SGCZ: variants seen among roughly 807,000 people sequenced by gnomAD.
The protein encoded by SGCZ is zeta-sarcoglycan.
SGCZ carries 40 observed loss-of-function variants against 41.3 expected under a neutral mutation model. The ratio of observed to expected loss-of-function variants is 0.97; its 90% CI spans 0.75 to 1.26. The LOEUF (loss-of-function observed/expected upper bound fraction) is 1.26, where lower values mean the gene tolerates loss of function less well. Ranked by LOEUF, SGCZ falls within the 50% of genes most tolerant of loss-of-function variation. The pLI, the probability that SGCZ is intolerant of heterozygous loss-of-function variation, is 0.00. For missense variants in SGCZ, 552 were observed against 369.8 expected, an observed-to-expected ratio of 1.49 and a Z score of -4.04; for synonymous variants, 206 against 137.5, an observed-to-expected ratio of 1.50 and a Z score of -3.49.
intron 1 of SGCZ, among the ~76,000 whole-genome samples, chr8:15,236,259 A>C (rs775621131): frequency 1.3e-5 from 2 of 152,110 alleles, no homozygotes; most frequent in Admixed American, 6.5e-5. Flanking sequence ...TTCCCCGTCT[A>C]TGCAATCTGG....
chr8:14,458,977 T>C lies in SGCZ; in HGVS notation c.234+95755A>G, dbSNP rs541799833. On this transcript the variant is annotated intron_variant, in intron 2 of 7. Coordinates refer to ENST00000382080, the MANE Select transcript of SGCZ (RefSeq NM_139167.4). ...GTAAGGAAATGTCAAAAGGACATAG[T>C]GGCCAACTTGACAGAGATTTCATTT... Among the ~76,000 whole-genome samples the C allele has an allele frequency of 3.3e-4, 50 of 152,312 alleles. 1 individual carries two copies. The highest frequency in any genetic ancestry group is 1.2e-3 in the African/African-American group (48 of 41,560).
intron 1 of SGCZ, among the ~76,000 whole-genome samples, chr8:14,937,199 G>C (rs1800110706): frequency 1.3e-5 from 2 of 151,694 alleles, no homozygotes; most frequent in Non-Finnish European, 2.9e-5. Flanking sequence ...TAAAATTAAA[G>C]CTAGATCAAA....
intron 1 of SGCZ, among the ~76,000 whole-genome samples, chr8:14,937,448 A>G (rs899101924): frequency 1.3e-5 from 2 of 152,032 alleles, no homozygotes; most frequent in Non-Finnish European, 2.9e-5. Flanking sequence ...TTCAAGCCTC[A>G]AATGATTCCA....
chr8:14,744,946 T>C (rs1171147425), intron 1 of SGCZ, among the ~76,000 whole-genome samples: 1 of 152,200 alleles, frequency 6.6e-6, no homozygotes, highest in Non-Finnish European at 1.5e-5. Context: ...TCATTCTGAC[T>C]AGACTGATAT....
intron 1 of SGCZ, among the ~76,000 whole-genome samples, chr8:15,023,972 C>T (rs1037536676): frequency 6.6e-6 from 1 of 152,138 alleles, no homozygotes; most frequent in African/African-American, 2.4e-5. Flanking sequence ...GTGCAGAATA[C>T]AGGGACCAGG....
At chr8:15,110,395 A>G (rs547556592) in intron 1 of SGCZ, among the ~76,000 whole-genome samples, 37 of 152,228 alleles carry the variant, frequency 2.4e-4, no homozygotes, top group Non-Finnish European at 4.3e-4. Context: ...TCGTTCCTAT[A>G]AGATCCATGG....
intron 1 of SGCZ, among the ~76,000 whole-genome samples, chr8:15,152,817 A>G (rs1799220632): frequency 1.3e-5 from 2 of 152,184 alleles, no homozygotes; most frequent in Non-Finnish European, 2.9e-5. Context: ...CACCCTCCTA[A>G]GTACCTATAT....
chr8:15,037,253 A>G (rs574601927), intron 1 of SGCZ, among the ~76,000 whole-genome samples: 13 of 152,292 alleles, frequency 8.5e-5, no homozygotes, highest in African/African-American at 3.1e-4. Context: ...TAATCTCGTG[A>G]TAGTGAGTGA....
intron 3 of SGCZ, among the ~76,000 whole-genome samples, chr8:14,255,424 C>G (rs577200350): frequency 2.0e-5 from 3 of 152,066 alleles, no homozygotes; most frequent in Admixed American, 2.0e-4. Context: ...TATACTTGTC[C>G]TTTTAGCTTA....
chr8:14,811,414 T>C (rs1801733632), intron 1 of SGCZ, among the ~76,000 whole-genome samples: 1 of 148,738 alleles, frequency 6.7e-6, no homozygotes, highest in Non-Finnish European at 1.5e-5. Flanking sequence ...TGTTTATAGA[T>C]GAAAAATAAA....
intron 2 of SGCZ, among the ~76,000 whole-genome samples, chr8:14,535,870 C>A (rs952636063): frequency 6.6e-6 from 1 of 151,726 alleles, no homozygotes; most frequent in East Asian, 1.9e-4. Flanking sequence ...AAAACCATGA[C>A]GGCATGTAAA....
intron 1 of SGCZ, among the ~76,000 whole-genome samples, chr8:15,232,419 A>G (rs886182594): frequency 2.0e-5 from 3 of 152,138 alleles, no homozygotes; most frequent in Non-Finnish European, 4.4e-5. Flanking sequence ...AACATATGCT[A>G]AGTAATGACA....
intron 1 of SGCZ, among the ~76,000 whole-genome samples, chr8:14,577,518 G>T (rs1804749358): frequency 6.6e-6 from 1 of 150,944 alleles, no homozygotes; most frequent in Middle Eastern, 3.2e-3. Flanking sequence ...CCTCCGAGTA[G>T]CTGGGACTAT....
chr8:14,229,554 T>C (rs1413874699), intron 4 of SGCZ, among the ~76,000 whole-genome samples: 1 of 152,080 alleles, frequency 6.6e-6, no homozygotes, highest in Non-Finnish European at 1.5e-5. Flanking sequence ...AACCTAAGTA[T>C]TTTGTTAATC....
At chr8:14,562,768 T>G (rs537501221) in intron 1 of SGCZ, among the ~76,000 whole-genome samples, 1 of 152,224 alleles carries the variant, frequency 6.6e-6, no homozygotes, top group East Asian at 1.9e-4. Context: ...ATTGCAGTAT[T>G]AAACCCACGA....
chr8:14,727,950 A>G (rs1332348756), intron 1 of SGCZ, among the ~76,000 whole-genome samples: 2 of 152,256 alleles, frequency 1.3e-5, no homozygotes, highest in Admixed American at 6.5e-5. Context: ...ATGCAGCAGC[A>G]TAAGTGCACA....
intron 1 of SGCZ, among the ~76,000 whole-genome samples, chr8:14,652,357 T>TGTGGG (rs1554473426): frequency 1.7e-5 from 1 of 59,718 alleles, no homozygotes; most frequent in African/African-American, 8.8e-5. Context: ...GGGGGGGGTG[T>TGTGGG]GGGGGGGAGA....
rs1801600472 is a variant in SGCZ, at chr8:14,088,701, C to T, written c.*1742G>A. ...AACAGTAATAAATTAGCCTTTGAAC[C>T]CTTCTGCTGAGTACAGTGGAAATGA... is the stretch of plus-strand genomic sequence containing the variant. On this transcript the variant is annotated 3_prime_UTR_variant, in exon 8 of 8. Coordinates refer to ENST00000382080, the MANE Select transcript of SGCZ (RefSeq NM_139167.4). 6.6e-6 allele frequency among the ~76,000 whole-genome samples: 1 copy of T among 151,692 alleles called. No homozygotes were observed. Among genetic ancestry groups the T allele is most frequent in the Admixed American group, 6.6e-5 (1 of 15,170 alleles).
chr8:14,668,206 C>CA (rs1053556901), intron 1 of SGCZ, among the ~76,000 whole-genome samples: 1 of 152,172 alleles, frequency 6.6e-6, no homozygotes, highest in African/African-American at 2.4e-5. Flanking sequence ...GTTATCCACC[C>CA]ATCTCAGCCT....
Sources: gnomAD v4.1 joint callset for allele counts (sites outside exome capture counted in the v4.1 genomes callset) on GRCh38, gnomAD v4.1.1 for gene constraint, MANE v1.5 for transcripts, NCBI Gene and HGNC (gene_info 2026-07-23, HGNC 2026-07-21) for gene names.